The following FAM98B variants were observed in gnomAD, a reference collection of about 807,000 sequenced individuals.
The protein encoded by FAM98B is tRNA-splicing ligase complex subunit FAM98B.
FAM98B carries 32 observed loss-of-function variants against 43.9 expected under a neutral mutation model. That is an observed-to-expected ratio of 0.73 (90% CI 0.55 to 0.98). FAM98B has a LOEUF of 0.98. Ranked by LOEUF, FAM98B falls within the 50% of genes least tolerant of loss-of-function variation. The pLI is 0.00. For synonymous variants in FAM98B, 190 were observed against 174.0 expected (o/e 1.09, Z -0.72); for missense variants, 514 against 522.9 (o/e 0.98, Z 0.17).
chr15:38,461,902 T>C (rs987813679), intron 1 of FAM98B, among the ~76,000 whole-genome samples: 1 of 152,278 alleles, frequency 6.6e-6, no homozygotes, highest in Admixed American at 6.5e-5. Flanking sequence ...GGCAAAGTTA[T>C]GTATCTATTT....
intron 1 of FAM98B, 46 bp downstream of exon 1, chr15:38,454,278 C>G: frequency 1.3e-6 from 2 of 1,558,996 alleles, no homozygotes; most frequent in East Asian, 2.3e-5. Context: ...GCAACCTCTC[C>G]TTGGCCTGGC....
intron 6 of FAM98B, among the ~76,000 whole-genome samples, chr15:38,477,687 A>G (rs1345949374): frequency 6.6e-6 from 1 of 152,040 alleles, no homozygotes; most frequent in Non-Finnish European, 1.5e-5. Flanking sequence ...ATATCTCAGT[A>G]CTCCGTATGA....
At chr15:38,459,026 G>A (rs1470331695) in intron 1 of FAM98B, 7 of 338,390 alleles carry the variant, frequency 2.1e-5, no homozygotes, top group Non-Finnish European at 3.0e-5. Flanking sequence ...ACCCCACACC[G>A]GCCAGCAGAT....
At chr15:38,474,698 T>G (rs561152720) in intron 6 of FAM98B, among the ~76,000 whole-genome samples, 1 of 152,314 alleles carries the variant, frequency 6.6e-6, no homozygotes, top group African/African-American at 2.4e-5. Flanking sequence ...TGTGTTTCAG[T>G]TGAAGAGGGG....
In FAM98B at chr15:38,485,943, TG is replaced by T. The variant is rs1890363758; in HGVS notation, c.*1286del. The T allele has an allele frequency of 6.6e-6, 1 of 152,218 alleles. No individual in the cohort carries two copies. The highest frequency in any genetic ancestry group is 1.5e-5 in the Non-Finnish European group (1 of 68,026). The allele number at this position is 152,218 out of a possible 1,614,324, so 9.4% of individuals were successfully genotyped here. ...AAATCTGTATCTCATTGTAGGCTTC[TG>T]GTCAATACCTATACATAACAACTTA... On this transcript the variant is annotated 3_prime_UTR_variant, in exon 8 of 8. Transcript: ENST00000397609.
intron 1 of FAM98B, among the ~76,000 whole-genome samples, chr15:38,458,020 G>C (rs1210611803): frequency 6.8e-6 from 1 of 146,186 alleles, no homozygotes; most frequent in African/African-American, 2.5e-5. Flanking sequence ...TCAGTAATCT[G>C]TTCTCTTCCA....
intron 6 of FAM98B, among the ~76,000 whole-genome samples, chr15:38,476,148 TTG>T (rs1309507044): frequency 6.6e-6 from 1 of 152,212 alleles, no homozygotes; most frequent in East Asian, 1.9e-4. Context: ...GCTTTCACAT[TTG>T]AATATAAAAT....
intron 6 of FAM98B, among the ~76,000 whole-genome samples, chr15:38,479,260 G>T (rs747372830): frequency 2.6e-5 from 4 of 152,146 alleles, no homozygotes; most frequent in Non-Finnish European, 5.9e-5. Flanking sequence ...GAGCCACTGT[G>T]CCTGGCCAAA....
Position 38,481,280 on chromosome 15 carries a change from C to G in FAM98B, c.730-12C>G. On this transcript the variant is annotated splice_polypyrimidine_tract_variant and intron_variant, in intron 6 of 7. Coordinates refer to ENST00000397609, the MANE Select transcript of FAM98B (RefSeq NM_173611.4). ...ACTTTTGTTCCTTTTTTCCTTAACT[C>G]TTGTCATTTAGGTAAAAACAGATGA... The G allele has an allele frequency of 1.3e-6, 2 of 1,596,648 alleles. No individual in the cohort carries two copies. The highest frequency in any genetic ancestry group is 1.7e-6 in the Non-Finnish European group (2 of 1,167,870).
intron 4 of FAM98B, among the ~76,000 whole-genome samples, chr15:38,471,284 A>T (rs924543554): frequency 6.6e-6 from 1 of 152,082 alleles, no homozygotes; most frequent in African/African-American, 2.4e-5. Flanking sequence ...ATAAAAACAG[A>T]ATATTAAAAA....
intron 4 of FAM98B, among the ~76,000 whole-genome samples, chr15:38,473,286 C>T (rs567958934): frequency 5.9e-5 from 9 of 152,076 alleles, no homozygotes; most frequent in South Asian, 2.1e-4. Context: ...TTCGTTCTTA[C>T]GCTGGGAAAG....
At chr15:38,477,021 AG>A (rs769409924) in intron 6 of FAM98B, among the ~76,000 whole-genome samples, 25 of 152,016 alleles carry the variant, frequency 1.6e-4, no homozygotes, top group Admixed American at 3.3e-4. Context: ...GTTGGGGGGC[AG>A]GTGCTGTGCT....
chr15:38,454,941 G>A (rs908795156), intron 1 of FAM98B, among the ~76,000 whole-genome samples: 8 of 152,112 alleles, frequency 5.3e-5, no homozygotes, highest in African/African-American at 1.9e-4. Flanking sequence ...TGGGAGTAAT[G>A]TTAATACTTA....
chr15:38,484,683 T>G lies in FAM98B; in HGVS notation c.*24T>G. 6.6e-7 allele frequency: 1 copy of G among 1,504,898 alleles called. No individual in the cohort carries two copies. The highest frequency in any genetic ancestry group is 8.8e-7 in the Non-Finnish European group (1 of 1,134,568). The allele number at this position is 1,504,898 out of a possible 1,614,324, so 93.2% of individuals were successfully genotyped here. A position where few individuals can be genotyped will look rare whatever the true frequency, so the allele number is the denominator to read the frequency against. ...AAAAACTATAAAAATTAGATAGCAG[T>G]GCTTGCTTCTTTATAGATACATTAG... is the stretch of plus-strand genomic sequence containing the variant. On this transcript the variant is annotated 3_prime_UTR_variant, in exon 8 of 8. Transcript: ENST00000397609.
rs1294483617 is a variant in FAM98B, at chr15:38,487,247, CATT to C, written c.*2590_*2592del. 2.6e-5 allele frequency: 4 copies of C among 152,044 alleles called. No homozygotes were observed. Among genetic ancestry groups the C allele is most frequent in the African/African-American group, 7.2e-5 (3 of 41,404 alleles). 9.4% of individuals were successfully genotyped at this position (152,044 alleles called of 1,614,324 possible). A position where few individuals can be genotyped will look rare whatever the true frequency, so the allele number is the denominator to read the frequency against. ...TTTGCAGATCAGGGAAACCTTGCCT[CATT>C]AAACAGAAAAAGGAAAACATTTTAA... On this transcript the variant is annotated 3_prime_UTR_variant, in exon 8 of 8. Coordinates refer to ENST00000397609, the MANE Select transcript of FAM98B (RefSeq NM_173611.4).
intron 6 of FAM98B, among the ~76,000 whole-genome samples, chr15:38,478,600 G>C (rs1470295380): frequency 6.6e-6 from 1 of 152,046 alleles, no homozygotes; most frequent in Non-Finnish European, 1.5e-5. Flanking sequence ...AGACACTGAG[G>C]TTTTCTCTAA....
At chr15:38,464,679 G>A (rs1458278931) in intron 2 of FAM98B, among the ~76,000 whole-genome samples, 1 of 151,958 alleles carries the variant, frequency 6.6e-6, no homozygotes, top group Non-Finnish European at 1.5e-5. Context: ...GAGTCCTGTG[G>A]GTCTTTGGTA....
chr15:38,467,916 G>A (rs1319988019), intron 3 of FAM98B, among the ~76,000 whole-genome samples: 4 of 152,162 alleles, frequency 2.6e-5, no homozygotes, highest in East Asian at 1.9e-4. Flanking sequence ...GCATGTTCTT[G>A]TTTGTATAAA....
rs1414917962 is a variant in FAM98B, at chr15:38,484,482, G to GT, written c.1126dup (p.Trp376LeufsTer9). The GT allele has an allele frequency of 8.4e-6, 8 of 954,402 alleles. 1 individual carries two copies. The Admixed American group carries it at 5.5e-4, about 66-fold the overall frequency. The allele number at this position is 954,402 out of a possible 1,614,324, so 59.1% of individuals were successfully genotyped here. On this transcript the variant is annotated frameshift_variant, in exon 8 of 8. Transcript: ENST00000397609. LOFTEE classifies it low-confidence loss of function (END_TRUNC). ...GAGGTGGTGGGGGAGGGGGAGGAGG[G>GT]TGGGGGGGAGGAGGAGGAGGTGGTA...
Sources: gnomAD v4.1 joint callset for allele counts (sites outside exome capture counted in the v4.1 genomes callset) on GRCh38, gnomAD v4.1.1 for gene constraint, MANE v1.5 for transcripts, NCBI Gene and HGNC (gene_info 2026-07-23, HGNC 2026-07-21) for gene names.